MAGI2: variants seen among roughly 807,000 people sequenced by gnomAD.
The protein encoded by MAGI2 is membrane associated guanylate kinase, WW and PDZ domain containing 2, also known as membrane-associated guanylate kinase, WW and PDZ domain-containing protein 2.
MAGI2 carries 35 observed loss-of-function variants against 133.3 expected under a neutral mutation model. The observed-to-expected ratio is 0.26, with a 90% CI of 0.20 to 0.35. The LOEUF (loss-of-function observed/expected upper bound fraction) is 0.35, where lower values mean the gene tolerates loss of function less well. MAGI2 is among the 10% of genes least tolerant of loss of function. The pLI, the probability that MAGI2 is intolerant of heterozygous loss-of-function variation, is 1.00. For synonymous variants in MAGI2, 729 were observed against 710.6 expected, an observed-to-expected ratio of 1.03 and a Z score of -0.41; for missense variants, 1,636 against 1,863.4, an observed-to-expected ratio of 0.88 and a Z score of 2.25.
chr7:78,054,588 A>T (rs1421926936), intron 21 of MAGI2, among the ~76,000 whole-genome samples: 2 of 124,088 alleles, frequency 1.6e-5, no homozygotes, highest in Admixed American at 7.4e-5. Context: ...TCATAGGCAT[A>T]CTTTTTTTTT....
chr7:79,327,715 C>G (rs1839799531), intron 1 of MAGI2, among the ~76,000 whole-genome samples: 1 of 151,666 alleles, frequency 6.6e-6, no homozygotes, highest in South Asian at 2.1e-4. Context: ...TCACACACAC[C>G]TTTTTGTCAT....
intron 10 of MAGI2, among the ~76,000 whole-genome samples, chr7:78,214,169 C>G (rs971012379): frequency 2.0e-5 from 3 of 152,194 alleles, no homozygotes; most frequent in African/African-American, 7.2e-5. Context: ...CTATTTCAGA[C>G]TTCTTTATCA....
chr7:79,238,016 T>A (rs1832073519), intron 1 of MAGI2, among the ~76,000 whole-genome samples: 1 of 152,210 alleles, frequency 6.6e-6, no homozygotes, highest in South Asian at 2.1e-4. Flanking sequence ...TTTCCAGGTT[T>A]AGTTAAACTA....
chr7:79,256,845 TGA>T (rs1833724174), intron 1 of MAGI2, among the ~76,000 whole-genome samples: 1 of 152,106 alleles, frequency 6.6e-6, no homozygotes, highest in African/African-American at 2.4e-5. Context: ...TAAGATCTGT[TGA>T]AGTAAAATCC....
intron 5 of MAGI2, among the ~76,000 whole-genome samples, chr7:78,501,249 C>T (rs1188441222): frequency 1.3e-5 from 2 of 152,112 alleles, no homozygotes; most frequent in Non-Finnish European, 2.9e-5. Context: ...AGACGGGGGT[C>T]TTAGGAGGAG....
intron 11 of MAGI2, among the ~76,000 whole-genome samples, chr7:78,196,655 C>T (rs1828767519): frequency 6.6e-6 from 1 of 152,136 alleles, no homozygotes; most frequent in African/African-American, 2.4e-5. Context: ...CTGTGTAACA[C>T]CAGAGACACC....
intron 2 of MAGI2, among the ~76,000 whole-genome samples, chr7:78,706,394 C>G (rs1159391524): frequency 6.6e-6 from 1 of 152,062 alleles, no homozygotes; most frequent in Admixed American, 6.6e-5. Flanking sequence ...ACCTTCCCAG[C>G]TATGTGCAAC....
chr7:78,535,641 C>T (rs1197707258), intron 3 of MAGI2, among the ~76,000 whole-genome samples: 1 of 151,904 alleles, frequency 6.6e-6, no homozygotes, highest in Non-Finnish European at 1.5e-5. Context: ...GAGGAACTTA[C>T]AGTTTAACAA....
chr7:78,873,334 G>A (rs768463094), intron 2 of MAGI2, among the ~76,000 whole-genome samples: 26 of 152,222 alleles, frequency 1.7e-4, no homozygotes, highest in Non-Finnish European at 2.8e-4. Context: ...GGTGAGCTGC[G>A]GGTGAGATTC....
intron 9 of MAGI2, among the ~76,000 whole-genome samples, chr7:78,301,947 C>T (rs1387605037): frequency 6.6e-6 from 1 of 152,106 alleles, no homozygotes; most frequent in Non-Finnish European, 1.5e-5. Context: ...AACAGCATGC[C>T]TATTGAAAGG....
At chr7:78,037,125 C>G (rs1011976490) in intron 21 of MAGI2, among the ~76,000 whole-genome samples, 4 of 152,066 alleles carry the variant, frequency 2.6e-5, no homozygotes, top group African/African-American at 9.7e-5. Flanking sequence ...AAGGAGCTCT[C>G]CTAAAGGCAA....
At position 78,078,943 on chromosome 7, in the gene MAGI2, G is replaced by A. The variant is rs1290658478; in HGVS notation, c.3706+4C>T. 5.0e-6 allele frequency: 8 copies of A among 1,612,576 alleles called. No homozygotes were observed. Among genetic ancestry groups the A allele is most frequent in the Middle Eastern group, 1.7e-4 (1 of 6,056 alleles). ...AAAAGGGTGAATTAAAACGTGAAAC[G>A]TACCATATTCTGGGACCTGTCCCGT... On this transcript the variant is annotated splice_donor_region_variant and intron_variant, in intron 21 of 21. Coordinates refer to ENST00000354212, the MANE Select transcript of MAGI2 (RefSeq NM_012301.4).
intron 1 of MAGI2, among the ~76,000 whole-genome samples, chr7:79,408,338 A>C (rs1845943111): frequency 6.6e-6 from 1 of 152,090 alleles, no homozygotes; most frequent in African/African-American, 2.4e-5. Flanking sequence ...GTAATATATC[A>C]ATATAACATC....
rs113994737 is a variant in MAGI2 at position 79,430,723 on chromosome 7, T to A, written c.301+22297A>T. Among the ~76,000 whole-genome samples, 633 of 152,270 alleles carry A rather than the reference T, an allele frequency of 4.2e-3. 3 individuals carry two copies. The highest frequency in any genetic ancestry group is 0.014 in the African/African-American group (591 of 41,546). ...TTATAACCTCTACTTTTTCATATAT[T>A]ACATGTGCATAGAATATCACAGAAC... On this transcript the variant is annotated intron_variant, in intron 1 of 21. Coordinates refer to ENST00000354212, the MANE Select transcript of MAGI2 (RefSeq NM_012301.4).
intron 1 of MAGI2, among the ~76,000 whole-genome samples, chr7:79,135,955 G>GAAAT (rs1821369268): frequency 4.8e-5 from 1 of 20,650 alleles, no homozygotes; most frequent in African/African-American, 7.0e-5. Flanking sequence ...AAGAAAGAAA[G>GAAAT]AAAGAAAGAA....
intron 2 of MAGI2, among the ~76,000 whole-genome samples, chr7:78,763,040 A>C (rs185765512): frequency 1.4e-4 from 22 of 152,308 alleles, no homozygotes; most frequent in South Asian, 4.1e-4. Context: ...GAGAAACACG[A>C]GAAATGAACA....
chr7:79,044,242 G>A (rs1811961774), intron 1 of MAGI2, among the ~76,000 whole-genome samples: 1 of 152,132 alleles, frequency 6.6e-6, no homozygotes, highest in Non-Finnish European at 1.5e-5. Context: ...ATGATCAAGT[G>A]GGCTTCATTC....
Position 78,813,331 on chromosome 7 carries a change from G to T in MAGI2, c.419-186092C>A, listed in dbSNP as rs189759320. ...CAAATAAATCAGTAATAAAGAAAAA[G>T]AATATTCTACTGCAATCAAGTGAGG... On this transcript the variant is annotated intron_variant, in intron 2 of 21. Coordinates refer to ENST00000354212, the MANE Select transcript of MAGI2 (RefSeq NM_012301.4). 9.7e-4 allele frequency among the ~76,000 whole-genome samples: 147 copies of T among 152,104 alleles called. 1 individual carries two copies. Among genetic ancestry groups the T allele is most frequent in the African/African-American group, 3.4e-3 (141 of 41,488 alleles).
At chr7:78,416,778 T>C (rs1461312942) in intron 6 of MAGI2, among the ~76,000 whole-genome samples, 1 of 152,134 alleles carries the variant, frequency 6.6e-6, no homozygotes, top group East Asian at 1.9e-4. Flanking sequence ...TCTGACTCTT[T>C]CATCTCTCCT....
Sources: gnomAD v4.1 joint callset for allele counts (sites outside exome capture counted in the v4.1 genomes callset) on GRCh38, gnomAD v4.1.1 for gene constraint, MANE v1.5 for transcripts, NCBI Gene and HGNC (gene_info 2026-07-23, HGNC 2026-07-21) for gene names.